URGCP: variants seen among roughly 807,000 people sequenced by gnomAD.
The protein encoded by URGCP is upregulator of cell proliferation.
A neutral mutation model predicts 24.6 loss-of-function variants in URGCP; 13 were observed. The observed-to-expected ratio is 0.53, with a 90% CI of 0.34 to 0.84. URGCP has a LOEUF of 0.84. URGCP is among the 40% of genes least tolerant of loss of function. URGCP has a pLI of 0.01. For synonymous variants in URGCP, 444 were observed against 487.2 expected, an observed-to-expected ratio of 0.91 and a Z score of 1.17; for missense variants, 899 against 1,194.3, an observed-to-expected ratio of 0.75 and a Z score of 3.64.
chr7:43,906,599 C>A (rs1039333638), upstream of URGCP: 13 of 1,213,084 alleles, frequency 1.1e-5, no homozygotes, highest in Middle Eastern at 1.3e-3. Flanking sequence ...TCTCCGCTCC[C>A]GCCTCCTTCG....
intron 1 of URGCP, among the ~76,000 whole-genome samples, chr7:43,904,331 G>A (rs913523424): frequency 2.0e-5 from 3 of 152,126 alleles, no homozygotes; most frequent in African/African-American, 7.2e-5. Flanking sequence ...TATTCATAAG[G>A]TCCTCAAAAA....
Position 43,881,992 on chromosome 7 carries a change from C to T in URGCP, c.113-35G>A, listed in dbSNP as rs765822002. ...AAAAGAAACCAAATACATTTAGTTT[C>T]ATCAGCAAGTTAGAACCTTTCTGTC... On this transcript the variant is annotated intron_variant, in intron 3 of 5. Coordinates refer to ENST00000453200, the MANE Select transcript of URGCP (RefSeq NM_001077663.3). The T allele has an allele frequency of 2.5e-6, 4 of 1,613,574 alleles. No homozygotes were observed. In the South Asian group the frequency reaches 4.4e-5, roughly 18 times the overall value.
chr7:43,906,678 G>T (rs895159319), upstream of URGCP: 61 of 1,073,136 alleles, frequency 5.7e-5, no homozygotes, highest in Non-Finnish European at 6.6e-5. Flanking sequence ...CCCGCTCCGG[G>T]ACGCGCTCCA....
At chr7:43,901,403 T>C (rs1026680258) in intron 1 of URGCP, among the ~76,000 whole-genome samples, 1 of 152,232 alleles carries the variant, frequency 6.6e-6, no homozygotes, top group African/African-American at 2.4e-5. Context: ...GGGACACTTC[T>C]GGCCTTTTCT....
rs73108116 is a variant in URGCP at position 43,876,410 on chromosome 7, G to A, written c.*257C>T. ...CCCCGCAGGATCCTTGACAGGAGCTGAGACAGAACAAACTGCTGCTTGTCT... is the reference window on the plus strand; with the variant it reads ...CCCCGCAGGATCCTTGACAGGAGCTAAGACAGAACAAACTGCTGCTTGTCT... On this transcript the variant is annotated 3_prime_UTR_variant, in exon 6 of 6. Transcript: ENST00000453200. 0.051 allele frequency: 26,154 copies of A among 509,312 alleles called. 834 individuals are homozygous for A. The highest frequency in any genetic ancestry group is 0.067 in the Non-Finnish European group (19,045 of 283,724). 31.5% of individuals were successfully genotyped at this position (509,312 alleles called of 1,614,324 possible).
chr7:43,889,398 CA>C (rs1314003836), intron 1 of URGCP: 1 of 152,218 alleles, frequency 6.6e-6, no homozygotes, highest in African/African-American at 2.4e-5. Flanking sequence ...ACTCGGGCTC[CA>C]GCCCACTTCT....
intron 2 of URGCP, 79 bp from the exon 3 acceptor site, chr7:43,887,564 T>G: frequency 6.5e-7 from 1 of 1,549,884 alleles, no homozygotes; most frequent in Non-Finnish European, 8.7e-7. Flanking sequence ...GCATATAAAA[T>G]CTCTTGGAGA....
At chr7:43,882,381 C>T (rs930389843) in intron 3 of URGCP, among the ~76,000 whole-genome samples, 1 of 152,138 alleles carries the variant, frequency 6.6e-6, no homozygotes, top group Non-Finnish European at 1.5e-5. Flanking sequence ...ACCCAGGAGG[C>T]GGGGGTTGCA....
intron 3 of URGCP, 81 bp downstream of exon 3, chr7:43,887,334 G>T: frequency 6.5e-7 from 1 of 1,536,256 alleles, no homozygotes; most frequent in Non-Finnish European, 8.8e-7. Flanking sequence ...GTCCAGGAGG[G>T]GCTGGAACCC....
In URGCP at chr7:43,918,181, GGAGAATCACTTGAACCCAAAAAGCA is replaced by G. The variant is rs1207017901; in HGVS notation, c.-116+7926_-116+7950del. Among the ~76,000 whole-genome samples, 19 of 150,578 alleles carry G rather than the reference GGAGAATCACTTGAACCCAAAAAGCA, an allele frequency of 1.3e-4. No homozygotes were observed. In the Admixed American group the frequency reaches 1.3e-3, roughly 10 times the overall value. On this transcript the variant is annotated intron_variant, in intron 1 of 5. Coordinates refer to the URGCP transcript ENST00000426198. Reference sequence around the variant, plus strand: ...CCCAGCTACTCAGGAGGCTGATGCAGGAGAATCACTTGAACCCAAAAAGCAGAGGTTTCAGTGAGTGGAGATCACA... The same window carrying G: ...CCCAGCTACTCAGGAGGCTGATGCAGGAGGTTTCAGTGAGTGGAGATCACA...
intron 1 of URGCP, among the ~76,000 whole-genome samples, chr7:43,915,824 C>G (rs2095914826): frequency 6.6e-6 from 1 of 152,196 alleles, no homozygotes; most frequent in African/African-American, 2.4e-5. Context: ...GCCTGGCCAA[C>G]ATGGTGAAAC....
upstream of URGCP, chr7:43,926,581 T>C: frequency 6.4e-7 from 1 of 1,561,182 alleles, no homozygotes; most frequent in Non-Finnish European, 8.6e-7. Context: ...ACCCTCCAAC[T>C]CTTTGGGTGT....
At chr7:43,896,561 C>T (rs764274390) in intron 1 of URGCP, among the ~76,000 whole-genome samples, 2 of 151,030 alleles carry the variant, frequency 1.3e-5, no homozygotes, top group Non-Finnish European at 3.0e-5. Context: ...TTATTACATA[C>T]TTAGTGTCAA....
chr7:43,879,217 T>C lies in URGCP; in HGVS notation c.246A>G (p.Leu82=). 1 of 1,613,106 alleles carries C rather than the reference T, an allele frequency of 6.2e-7. No homozygotes were observed. The highest frequency in any genetic ancestry group is 8.5e-7 in the Non-Finnish European group (1 of 1,179,936). Residue 82 remains leucine (L), a synonymous_variant, in exon 6 of 6, where the codon CTA becomes CTG. Transcript: ENST00000453200. ...TGAGTTTCTGGACCTGGTACGTCTC[T>C]AGGCCCAAAAGTGACAGCATTTCTT... is the stretch of plus-strand genomic sequence containing the variant. ...RLQEMLSLLG[L]ETYQVQKLSL...
At chr7:43,907,130 G>A (rs1352469462), upstream of URGCP, 1 of 92,856 alleles carries the variant, frequency 1.1e-5, no homozygotes, top group African/African-American at 5.2e-5. Flanking sequence ...ATTCTTTATA[G>A]TGTGTTATTA....
intron 2 of URGCP, 88 bp from the exon 3 acceptor site, chr7:43,887,573 G>C: frequency 6.5e-7 from 1 of 1,536,020 alleles, no homozygotes; most frequent in Non-Finnish European, 8.8e-7. Flanking sequence ...ATCTCTTGGA[G>C]AGCTTTTAAA....
At chr7:43,926,468 A>G, upstream of URGCP, 9 of 1,397,364 alleles carry the variant, frequency 6.4e-6, no homozygotes, top group South Asian at 3.0e-5. Flanking sequence ...GTGGCGGCTG[A>G]GCCGGCAGCG....
rs746567724 is a variant in URGCP, at chr7:43,887,481, A to G, written c.46T>C (p.Ser16Pro). Residue 16 changes from serine (S) to proline (P), a missense_variant, in exon 3 of 6, where the codon TCA (serine) becomes CCA (proline). Transcript: ENST00000453200. ...TCTGGGGCTACTTCTCCCAAATCTG[A>G]ATGCCTGAAACAATTTCAGAAGAAA... is the stretch of plus-strand genomic sequence containing the variant. ...IEVELLGKGH[S>P]DLGEVAPEIK... The G allele has an allele frequency of 6.2e-7, 1 of 1,613,818 alleles. No individual in the cohort carries two copies. Among genetic ancestry groups the G allele is most frequent in the Non-Finnish European group, 8.5e-7 (1 of 1,179,844 alleles).
chr7:43,891,288 A>T (rs1178921487), intron 1 of URGCP, among the ~76,000 whole-genome samples: 3 of 152,226 alleles, frequency 2.0e-5, no homozygotes, highest in African/African-American at 7.2e-5. Flanking sequence ...ATGGCATAGG[A>T]AAACAATTCT....
Sources: allele counts gnomAD v4.1 joint callset (sites outside exome capture counted in the v4.1 genomes callset), GRCh38; gene constraint gnomAD v4.1.1; transcripts MANE v1.5; gene names NCBI Gene and HGNC (gene_info 2026-07-23, HGNC 2026-07-21).